WDR49: variants seen among roughly 807,000 people sequenced by gnomAD.
WDR49 encodes WD repeat domain 49, also known as cilia- and flagella-associated protein 337.
Under a neutral mutation model 119.5 loss-of-function variants are expected in WDR49, and 107 were observed. The ratio of observed to expected loss-of-function variants is 0.90; its 90% confidence interval spans 0.77 to 1.05. The LOEUF (loss-of-function observed/expected upper bound fraction) is 1.05. WDR49 is among the 50% of genes least tolerant of loss of function. WDR49 has a pLI of 0.00. For missense variants in WDR49, 1,240 were observed against 1,220.5 expected (o/e 1.02, Z -0.24); for synonymous variants, 425 against 418.8 (o/e 1.01, Z -0.18).
At chr3:167,619,522 G>A (rs537651746) in intron 5 of WDR49, among the ~76,000 whole-genome samples, 13 of 152,216 alleles carry the variant, frequency 8.5e-5, no homozygotes, top group African/African-American at 3.1e-4. Flanking sequence ...AATTCTTACT[G>A]TGGGCATACA....
intron 7 of WDR49, among the ~76,000 whole-genome samples, chr3:167,578,346 C>T (rs1202659016): frequency 6.6e-6 from 1 of 152,158 alleles, no homozygotes; most frequent in Non-Finnish European, 1.5e-5. Context: ...TATTCTACCC[C>T]TAGTCCCAAT....
chr3:167,620,490 T>C lies in WDR49; in HGVS notation c.897A>G (p.Gly299=). The C allele has an allele frequency of 1.3e-6, 2 of 1,536,164 alleles. No individual in the cohort carries two copies. The highest frequency in any genetic ancestry group is 1.2e-5 in the South Asian group (1 of 84,036). The change falls in exon 5 of 19, where the codon GGA becomes GGG. Residue 299 remains glycine (G), a synonymous_variant. Coordinates refer to ENST00000682715, the MANE Select transcript of WDR49 (RefSeq NM_001366157.1). ...MTINWAELLS[G]CHKCCHILEH... The stretch of plus-strand genomic sequence containing the variant: ...CTAATATATGGCAACATTTGTGACA[T>C]CCAGAGAGCAGCTCTGCCCAGTTAA...
chr3:167,653,511 A>C lies in WDR49; in HGVS notation c.-74-12T>G. On this transcript the variant is annotated splice_polypyrimidine_tract_variant and intron_variant, in intron 1 of 18. Transcript: ENST00000682715. ...CCTTCAACAGGTGCCTTTGAAAAGA[A>C]ACTCAACTTAGCAACAGAATTCCAA... 7.2e-7 allele frequency: 1 copy of C among 1,385,336 alleles called. No individual in the cohort carries two copies. The highest frequency in any genetic ancestry group is 2.6e-5 in the East Asian group (1 of 37,954). 85.8% of individuals were successfully genotyped at this position (1,385,336 alleles called of 1,614,324 possible).
chr3:167,616,826 A>G (rs1310276272), intron 5 of WDR49, among the ~76,000 whole-genome samples: 1 of 152,232 alleles, frequency 6.6e-6, no homozygotes, highest in Non-Finnish European at 1.5e-5. Context: ...ATCAGCGATA[A>G]AGAGAAAATC....
chr3:167,535,593 G>T (rs1210934286), intron 11 of WDR49, among the ~76,000 whole-genome samples: 1 of 151,962 alleles, frequency 6.6e-6, no homozygotes, highest in Non-Finnish European at 1.5e-5. Flanking sequence ...AAAATCAAAA[G>T]ATAAAAGTAT....
At chr3:167,598,291 C>A (rs1715592197) in intron 7 of WDR49, among the ~76,000 whole-genome samples, 1 of 149,348 alleles carries the variant, frequency 6.7e-6, no homozygotes, top group Non-Finnish European at 1.5e-5. Flanking sequence ...GGTGACAGAG[C>A]AAGACTCCAT....
intron 2 of WDR49, among the ~76,000 whole-genome samples, chr3:167,636,346 T>A (rs1405131295): frequency 6.6e-6 from 1 of 151,350 alleles, no homozygotes; most frequent in Non-Finnish European, 1.5e-5. Flanking sequence ...CGTATATATA[T>A]GTATATACAT....
intron 15 of WDR49, among the ~76,000 whole-genome samples, chr3:167,523,459 C>T (rs1752525895): frequency 6.6e-6 from 1 of 151,508 alleles, no homozygotes; most frequent in Admixed American, 6.6e-5. Flanking sequence ...ATACATGTGC[C>T]ATGGTGGCTT....
chr3:167,607,484 G>T (rs1716117712), intron 5 of WDR49, among the ~76,000 whole-genome samples: 1 of 152,078 alleles, frequency 6.6e-6, no homozygotes, highest in African/African-American at 2.4e-5. Flanking sequence ...ACCACTCTGG[G>T]TGCTCTCACC....
chr3:167,594,120 C>T (rs1478805739), intron 7 of WDR49, among the ~76,000 whole-genome samples: 1 of 152,006 alleles, frequency 6.6e-6, no homozygotes, highest in African/African-American at 2.4e-5. Flanking sequence ...AAAATTGGCA[C>T]TGGGAAAGTG....
intron 2 of WDR49, among the ~76,000 whole-genome samples, chr3:167,642,356 A>G (rs2108341259): frequency 6.6e-6 from 1 of 152,060 alleles, no homozygotes; most frequent in East Asian, 1.9e-4. Context: ...TGTTAATATA[A>G]TAGTTCCAAA....
intron 8 of WDR49, among the ~76,000 whole-genome samples, chr3:167,573,165 A>C (rs1044275130): frequency 6.6e-6 from 1 of 152,154 alleles, no homozygotes; most frequent in East Asian, 1.9e-4. Context: ...TTTCAGTCCT[A>C]ACAAGGCAAT....
chr3:167,653,651 A>C (rs1249266034), intron 1 of WDR49, 152 bp from the exon 2 acceptor site: 1 of 458,152 alleles, frequency 2.2e-6, no homozygotes. Flanking sequence ...TTATTTTCAA[A>C]ATTTACAGTT....
chr3:167,556,983 C>A (rs548722617), intron 9 of WDR49, among the ~76,000 whole-genome samples: 1 of 152,282 alleles, frequency 6.6e-6, no homozygotes, highest in South Asian at 2.1e-4. Context: ...TGAGATCATG[C>A]CACTGCACTC....
At position 167,581,167 on chromosome 3, in the gene WDR49, A is replaced by C. The variant is rs61340111; in HGVS notation, c.1276-5016T>G. On this transcript the variant is annotated intron_variant, in intron 7 of 18. Coordinates refer to ENST00000682715, the MANE Select transcript of WDR49 (RefSeq NM_001366157.1). ...AAGGCAAATAAATTTTGCCATAATT[A>C]GTAATATCATATAGCTTTTCAAATA... Among the ~76,000 whole-genome samples, 1,039 of 152,302 alleles carry C rather than the reference A, an allele frequency of 6.8e-3. 54 individuals are homozygous for C. In the East Asian group the frequency reaches 0.13, roughly 20 times the overall value.
At chr3:167,610,137 T>G (rs899676183) in intron 5 of WDR49, among the ~76,000 whole-genome samples, 1 of 152,194 alleles carries the variant, frequency 6.6e-6, no homozygotes, top group African/African-American at 2.4e-5. Flanking sequence ...GAAAAACTCC[T>G]CCTGCTTGAG....
chr3:167,580,453 C>T (rs574574591), intron 7 of WDR49, among the ~76,000 whole-genome samples: 3 of 152,214 alleles, frequency 2.0e-5, no homozygotes, highest in South Asian at 2.1e-4. Context: ...TTTCCCAGAC[C>T]GATTAAATCA....
At chr3:167,554,003 A>G (rs1007309513) in intron 10 of WDR49, among the ~76,000 whole-genome samples, 6 of 152,114 alleles carry the variant, frequency 3.9e-5, no homozygotes, top group African/African-American at 9.7e-5. Flanking sequence ...ACGACTACCT[A>G]TTAGAGCAAT....
intron 14 of WDR49, 65 bp from the exon 15 acceptor site, chr3:167,528,082 A>C: frequency 1.4e-6 from 2 of 1,409,104 alleles, no homozygotes; most frequent in Non-Finnish European, 1.9e-6. Context: ...ATGACATAAC[A>C]CTTTTAAAAA....
Sources: gnomAD v4.1 joint callset for allele counts (sites outside exome capture counted in the v4.1 genomes callset) on GRCh38, gnomAD v4.1.1 for gene constraint, MANE v1.5 for transcripts, NCBI Gene and HGNC (gene_info 2026-07-23, HGNC 2026-07-21) for gene names.